TMEM158: variants seen among roughly 807,000 people sequenced by gnomAD.
The protein encoded by TMEM158 is 40 kDa BINP-binding protein.
A neutral mutation model predicts 12.0 loss-of-function variants in TMEM158; 7 were observed. The ratio of observed to expected loss-of-function variants is 0.59; its 90% CI spans 0.33 to 1.10. The LOEUF is 1.10. Among genes scored for constraint, TMEM158 ranks in the 50% least tolerant of loss-of-function variants. The pLI is 0.03. For synonymous variants in TMEM158, 209 were observed against 231.1 expected (o/e 0.90, Z 0.87); for missense variants, 405 against 454.7 (o/e 0.89, Z 0.99).
Position 45,224,873 on chromosome 3 carries a change from G to T in TMEM158, c.*252C>A. 1 of 498,218 alleles carries T rather than the reference G, an allele frequency of 2.0e-6. No individual in the cohort carries two copies. The highest frequency in any genetic ancestry group is 3.0e-6 in the Non-Finnish European group (1 of 336,764). The allele number at this position is 498,218 out of a possible 1,614,324, so 30.9% of individuals were successfully genotyped here. On this transcript the variant is annotated 3_prime_UTR_variant, in exon 1 of 1. Transcript: ENST00000503771. ...CAGGGGGATGCAATAGAGGGGAAAGGGCCCCATTTCCCTCCTCTCCGTCTT... is the reference window on the plus strand; with the variant it reads ...CAGGGGGATGCAATAGAGGGGAAAGTGCCCCATTTCCCTCCTCTCCGTCTT...
Position 45,225,188 on chromosome 3 carries a change from G to GGCT in TMEM158, c.837_839dup (p.Ala292dup). On this transcript the variant is annotated inframe_insertion, in exon 1 of 1. Transcript: ENST00000503771. The surrounding 1 kb of genome is among the most constrained non-coding windows in gnomAD (Gnocchi z 5.7). ...CGGCGGCAGCGGCGGCGGCGGCGGC[G>GGCT]GCTGCGGTGGTCCCTGCGGGCACTG... The GGCT allele has an allele frequency of 7.9e-7, 1 of 1,268,168 alleles. No individual in the cohort carries two copies. Among genetic ancestry groups the GGCT allele is most frequent in the Non-Finnish European group, 9.9e-7 (1 of 1,010,572 alleles). The allele number at this position is 1,268,168 out of a possible 1,614,324, so 78.6% of individuals were successfully genotyped here.
rs1700137460 is a variant in TMEM158, at chr3:45,224,874, G to T, written c.*251C>A. ...AGGGGGATGCAATAGAGGGGAAAGGGCCCCATTTCCCTCCTCTCCGTCTTC... is the reference window on the plus strand; with the variant it reads ...AGGGGGATGCAATAGAGGGGAAAGGTCCCCATTTCCCTCCTCTCCGTCTTC... On this transcript the variant is annotated 3_prime_UTR_variant, in exon 1 of 1. Transcript: ENST00000503771. 2.0e-6 allele frequency: 1 copy of T among 504,344 alleles called. No homozygotes were observed. The highest frequency in any genetic ancestry group is 2.9e-6 in the Non-Finnish European group (1 of 342,096). 31.2% of individuals were successfully genotyped at this position (504,344 alleles called of 1,614,324 possible). A position where few individuals can be genotyped will look rare whatever the true frequency, so the allele number is the denominator to read the frequency against.
In TMEM158 at chr3:45,225,371, G is replaced by C; in HGVS notation, c.657C>G (p.Pro219=). ...GEPGWRLNRK[P]IESTLVACFM... is the part of the protein sequence containing the mutation. ...AGCAGGCCACCAGCGTGGACTCAAT[G>C]GGCTTACGGTTCAGCCGCCAGCCCG... The change falls in exon 1 of 1, where the codon CCC becomes CCG. Residue 219 remains proline (P), a synonymous_variant. Transcript: ENST00000503771. The surrounding 1 kb of genome is among the most constrained non-coding windows in gnomAD (Gnocchi z 5.7). 6.6e-7 allele frequency: 1 copy of C among 1,521,798 alleles called. No homozygotes were observed. 94.3% of individuals were successfully genotyped at this position (1,521,798 alleles called of 1,614,324 possible).
chr3:45,226,115 G>C lies in TMEM158; in HGVS notation c.-88C>G, dbSNP rs1287021850. The C allele has an allele frequency of 3.1e-6, 3 of 980,592 alleles. No homozygotes were observed. The highest frequency in any genetic ancestry group is 1.2e-4 in the East Asian group (1 of 8,682). 60.7% of individuals were successfully genotyped at this position (980,592 alleles called of 1,614,324 possible). A position where few individuals can be genotyped will look rare whatever the true frequency, so the allele number is the denominator to read the frequency against. ...GCCGGCGAGCTCACGGTGGGACCGC[G>C]GGAGCCGGCGGCCGGGCGCAGTGCG... On this transcript the variant is annotated 5_prime_UTR_variant, in exon 1 of 1. Transcript: ENST00000503771.
In TMEM158 at chr3:45,224,833, G is replaced by A. The variant is rs1042385408; in HGVS notation, c.*292C>T. ...CCATGAATCTAGGGCACGTGGGTGC[G>A]GGGAAGGAGTCGGGCAGGGGGATGC... On this transcript the variant is annotated 3_prime_UTR_variant, in exon 1 of 1. Transcript: ENST00000503771. The A allele has an allele frequency of 9.3e-6, 3 of 322,230 alleles. No individual in the cohort carries two copies. Among genetic ancestry groups the A allele is most frequent in the Non-Finnish European group, 1.6e-5 (3 of 185,848 alleles). The allele number at this position is 322,230 out of a possible 1,614,324, so 20.0% of individuals were successfully genotyped here. A position where few individuals can be genotyped will look rare whatever the true frequency, so the allele number is the denominator to read the frequency against.
In TMEM158 at chr3:45,225,793, G is replaced by T. The variant is rs1417845767; in HGVS notation, c.235C>A (p.Gln79Lys). Residue 79 changes from glutamine to lysine, a missense_variant, in exon 1 of 1, where the codon CAG becomes AAG. Transcript: ENST00000503771. This position sits in a 1 kb window ranked among gnomAD's most constrained non-coding sequence, Gnocchi z 5.7. ...AAAAPCNISV[Q>K]RQMLSSLLVR... Reference sequence around the variant, plus strand: ...AGCAGCGAGCTCAGCATCTGCCGCTGCACGCTGATGTTGCACGGCGCCGCC... The same window carrying T: ...AGCAGCGAGCTCAGCATCTGCCGCTTCACGCTGATGTTGCACGGCGCCGCC... 7.1e-7 allele frequency: 1 copy of T among 1,401,220 alleles called. No homozygotes were observed. The highest frequency in any genetic ancestry group is 2.6e-5 in the Admixed American group (1 of 38,630). The allele number at this position is 1,401,220 out of a possible 1,614,324, so 86.8% of individuals were successfully genotyped here. A position where few individuals can be genotyped will look rare whatever the true frequency, so the allele number is the denominator to read the frequency against.
chr3:45,225,170 A>AGCGGCG lies in TMEM158; in HGVS notation c.852_857dup (p.Ala291_Ala292dup), dbSNP rs898811347. 3.0e-5 allele frequency: 38 copies of AGCGGCG among 1,263,250 alleles called. No homozygotes were observed. The highest frequency in any genetic ancestry group is 4.3e-5 in the Admixed American group (1 of 23,480). The allele number at this position is 1,263,250 out of a possible 1,614,324, so 78.3% of individuals were successfully genotyped here. ...AAGTGACGGCCGCGGCGGCGGCGGC[A>AGCGGCG]GCGGCGGCGGCGGCGGCGGCTGCGG... On this transcript the variant is annotated inframe_insertion, in exon 1 of 1. Coordinates refer to ENST00000503771, the MANE Select transcript of TMEM158 (RefSeq NM_015444.3). The surrounding 1 kb of genome is among the most constrained non-coding windows in gnomAD (Gnocchi z 5.7).
At position 45,224,857 on chromosome 3, in the gene TMEM158, G is replaced by C; in HGVS notation, c.*268C>G. 1 of 403,312 alleles carries C rather than the reference G, an allele frequency of 2.5e-6. No individual in the cohort carries two copies. Among genetic ancestry groups the C allele is most frequent in the Non-Finnish European group, 3.9e-6 (1 of 253,630 alleles). The allele number at this position is 403,312 out of a possible 1,614,324, so 25.0% of individuals were successfully genotyped here. A position where few individuals can be genotyped will look rare whatever the true frequency, so the allele number is the denominator to read the frequency against. On this transcript the variant is annotated 3_prime_UTR_variant, in exon 1 of 1. Coordinates refer to ENST00000503771, the MANE Select transcript of TMEM158 (RefSeq NM_015444.3). ...CGGGGAAGGAGTCGGGCAGGGGGAT[G>C]CAATAGAGGGGAAAGGGCCCCATTT...
chr3:45,225,520 C>T lies in TMEM158; in HGVS notation c.508G>A (p.Ala170Thr). 1 of 1,092,086 alleles carries T rather than the reference C, an allele frequency of 9.2e-7. No individual in the cohort carries two copies. The allele number at this position is 1,092,086 out of a possible 1,614,324, so 67.6% of individuals were successfully genotyped here. A position where few individuals can be genotyped will look rare whatever the true frequency, so the allele number is the denominator to read the frequency against. Reference protein sequence around the residue: ...AAAPSAAAATAGAPTALPAYP... With the variant: ...AAAPSAAAATTGAPTALPAYP... ...GCTGGCAGCGCGGTGGGCGCCCCGGCGGTGGCGGCGGCGGCGCTGGGGGCG... is the reference window on the plus strand; with the variant it reads ...GCTGGCAGCGCGGTGGGCGCCCCGGTGGTGGCGGCGGCGGCGCTGGGGGCG... The change falls in exon 1 of 1, where the codon GCC (alanine) becomes ACC (threonine). Residue 170 changes from alanine to threonine, a missense_variant. By Grantham distance (58) the Ala-to-Thr change is moderately conservative. Transcript: ENST00000503771. This position sits in a 1 kb window ranked among gnomAD's most constrained non-coding sequence, Gnocchi z 5.7.
At position 45,225,429 on chromosome 3, in the gene TMEM158, A is replaced by C; in HGVS notation, c.599T>G (p.Leu200Arg). 7.0e-7 allele frequency: 1 copy of C among 1,424,290 alleles called. No homozygotes were observed. The highest frequency in any genetic ancestry group is 9.3e-7 in the Non-Finnish European group (1 of 1,075,200). 88.2% of individuals were successfully genotyped at this position (1,424,290 alleles called of 1,614,324 possible). ...LQGEPLHFCC[L>R]DFSLEELQGE... ...CTGCAGCTCCTCCAGGCTGAAGTCT[A>C]GGCAGCAGAAATGCAGCGGCTCGCC... Residue 200 changes from leucine (L) to arginine (R), a missense_variant, in exon 1 of 1, where the codon CTA becomes CGA. Coordinates refer to ENST00000503771, the MANE Select transcript of TMEM158 (RefSeq NM_015444.3). This position sits in a 1 kb window ranked among gnomAD's most constrained non-coding sequence, Gnocchi z 5.7.
chr3:45,225,506 G>T lies in TMEM158; in HGVS notation c.522C>A (p.Thr174=). 1 of 1,177,428 alleles carries T rather than the reference G, an allele frequency of 8.5e-7. No individual in the cohort carries two copies. The highest frequency in any genetic ancestry group is 3.8e-5 in the East Asian group (1 of 26,446). The allele number at this position is 1,177,428 out of a possible 1,614,324, so 72.9% of individuals were successfully genotyped here. Residue 174 remains threonine (T), a synonymous_variant, in exon 1 of 1, where the codon ACC becomes ACA. Transcript: ENST00000503771. The surrounding 1 kb of genome is among the most constrained non-coding windows in gnomAD (Gnocchi z 5.7). ...SAAAATAGAP[T]ALPAYPAAEP... Reference sequence around the variant, plus strand: ...CGGCCGCGGGGTAGGCTGGCAGCGCGGTGGGCGCCCCGGCGGTGGCGGCGG... The same window carrying T: ...CGGCCGCGGGGTAGGCTGGCAGCGCTGTGGGCGCCCCGGCGGTGGCGGCGG...
At position 45,225,894 on chromosome 3, in the gene TMEM158, G is replaced by A; in HGVS notation, c.134C>T (p.Pro45Leu). Residue 45 changes from proline to leucine, a missense_variant, in exon 1 of 1, where the codon CCC becomes CTC. Pro to Leu is a moderately conservative substitution (Grantham distance 98). Transcript: ENST00000503771. The surrounding 1 kb of genome is among the most constrained non-coding windows in gnomAD (Gnocchi z 5.7). Reference protein sequence around the residue: ...ASVNASSADEPIAPRLLASAA... With the variant: ...ASVNASSADELIAPRLLASAA... ...CGAGGCCAGCAGCCGCGGGGCGATG[G>A]GCTCGTCCGCGGAGGACGCGTTGAC... is the stretch of plus-strand genomic sequence containing the variant. 8.3e-7 allele frequency: 1 copy of A among 1,203,802 alleles called. No individual in the cohort carries two copies. The highest frequency in any genetic ancestry group is 1.0e-6 in the Non-Finnish European group (1 of 973,480). 74.6% of individuals were successfully genotyped at this position (1,203,802 alleles called of 1,614,324 possible). A position where few individuals can be genotyped will look rare whatever the true frequency, so the allele number is the denominator to read the frequency against.
chr3:45,225,451 C>T lies in TMEM158; in HGVS notation c.577G>A (p.Glu193Lys). The change falls in exon 1 of 1, where the codon GAG (glutamate) becomes AAG (lysine). Residue 193 changes from glutamate to lysine, a missense_variant. Glu to Lys is a moderately conservative substitution (Grantham distance 56). Transcript: ENST00000503771. The surrounding 1 kb of genome is among the most constrained non-coding windows in gnomAD (Gnocchi z 5.7). ...EPPGPLWLQG[E>K]PLHFCCLDFS... ...TCTAGGCAGCAGAAATGCAGCGGCT[C>T]GCCCTGCAGCCACAGCGGCCCGGGC... The T allele has an allele frequency of 1.5e-6, 2 of 1,370,494 alleles. No homozygotes were observed. The highest frequency in any genetic ancestry group is 1.7e-5 in the South Asian group (1 of 57,328). 84.9% of individuals were successfully genotyped at this position (1,370,494 alleles called of 1,614,324 possible). A position where few individuals can be genotyped will look rare whatever the true frequency, so the allele number is the denominator to read the frequency against.
At position 45,225,227 on chromosome 3, in the gene TMEM158, TGCGGTGGTGCTG is replaced by T. The variant is rs1216632265; in HGVS notation, c.789_800del (p.Ser264_Ala267del). On this transcript the variant is annotated inframe_deletion, in exon 1 of 1. Coordinates refer to ENST00000503771, the MANE Select transcript of TMEM158 (RefSeq NM_015444.3). The surrounding 1 kb of genome is among the most constrained non-coding windows in gnomAD (Gnocchi z 5.7). ...CTGCGGGCACTGCGGCGGGGGTGGC[TGCGGTGGTGCTG>T]GCGGTGGTCCGGCGCTGTTCCATGC... The T allele has an allele frequency of 5.3e-6, 7 of 1,309,844 alleles. No homozygotes were observed. The highest frequency in any genetic ancestry group is 5.3e-5 in the South Asian group (2 of 37,442). 81.1% of individuals were successfully genotyped at this position (1,309,844 alleles called of 1,614,324 possible).
chr3:45,225,734 G>A lies in TMEM158; in HGVS notation c.294C>T (p.Cys98=). ...VRWGRPRGFQ[C]DLLLFSTNAH... ...CGTTGGTGGAGAAGAGCAGTAGGTC[G>A]CACTGGAAGCCCCGCGGGCGGCCCC... The change falls in exon 1 of 1, where the codon TGC becomes TGT. Residue 98 remains cysteine, a synonymous_variant. Transcript: ENST00000503771. The surrounding 1 kb of genome is among the most constrained non-coding windows in gnomAD (Gnocchi z 5.7). 6.9e-7 allele frequency: 1 copy of A among 1,454,094 alleles called. No homozygotes were observed. Among genetic ancestry groups the A allele is most frequent in the Non-Finnish European group, 9.1e-7 (1 of 1,099,672 alleles). 90.1% of individuals were successfully genotyped at this position (1,454,094 alleles called of 1,614,324 possible).
Position 45,226,232 on chromosome 3 carries a change from G to T in TMEM158, c.-205C>A. 1.7e-6 allele frequency: 1 copy of T among 582,048 alleles called. No homozygotes were observed. The highest frequency in any genetic ancestry group is 2.2e-6 in the Non-Finnish European group (1 of 462,458). 36.1% of individuals were successfully genotyped at this position (582,048 alleles called of 1,614,324 possible). A position where few individuals can be genotyped will look rare whatever the true frequency, so the allele number is the denominator to read the frequency against. ...CGGGGATCCCTCCAGACCCGGTTGC[G>T]TTTGGGGTTCCCCGCCGCCCCCGGC... is the stretch of plus-strand genomic sequence containing the variant. On this transcript the variant is annotated 5_prime_UTR_variant, in exon 1 of 1. Coordinates refer to ENST00000503771, the MANE Select transcript of TMEM158 (RefSeq NM_015444.3).
In TMEM158 at chr3:45,225,815, C is replaced by CGCT. The variant is rs1028984962; in HGVS notation, c.212_213insAGC (p.Ala72dup). ...GCTGCACGCTGATGTTGCACGGCGC[C>CGCT]GCCGCCGCCGCCGCCTCCTCCGGGC... On this transcript the variant is annotated inframe_insertion, in exon 1 of 1. Coordinates refer to ENST00000503771, the MANE Select transcript of TMEM158 (RefSeq NM_015444.3). This position sits in a 1 kb window ranked among gnomAD's most constrained non-coding sequence, Gnocchi z 5.7. The CGCT allele has an allele frequency of 3.8e-6, 5 of 1,324,614 alleles. No homozygotes were observed. Among genetic ancestry groups the CGCT allele is most frequent in the Middle Eastern group, 2.8e-4 (1 of 3,596 alleles). The allele number at this position is 1,324,614 out of a possible 1,614,324, so 82.1% of individuals were successfully genotyped here. A position where few individuals can be genotyped will look rare whatever the true frequency, so the allele number is the denominator to read the frequency against.
Position 45,226,143 on chromosome 3 carries a change from C to A in TMEM158, c.-116G>T. On this transcript the variant is annotated 5_prime_UTR_variant, in exon 1 of 1. Transcript: ENST00000503771. ...AGCCGGCGGCCGGGCGCAGTGCGGG[C>A]GCGCCGGGCGCCTGCCAAGCCCGCA... 1.0e-6 allele frequency: 1 copy of A among 979,538 alleles called. No homozygotes were observed. The highest frequency in any genetic ancestry group is 1.2e-6 in the Non-Finnish European group (1 of 827,152). The allele number at this position is 979,538 out of a possible 1,614,324, so 60.7% of individuals were successfully genotyped here.
In TMEM158 at chr3:45,225,967, C is replaced by T. The variant is rs894114728; in HGVS notation, c.61G>A (p.Gly21Arg). 5.4e-6 allele frequency: 6 copies of T among 1,117,270 alleles called. No individual in the cohort carries two copies. The highest frequency in any genetic ancestry group is 4.3e-5 in the South Asian group (1 of 23,280). 69.2% of individuals were successfully genotyped at this position (1,117,270 alleles called of 1,614,324 possible). A position where few individuals can be genotyped will look rare whatever the true frequency, so the allele number is the denominator to read the frequency against. ...AGGAGGCCGGGCGCGTCCGCGGCCC[C>T]GCCGCGGACGGGCGGCAGCGGGCAG... ...AACPLPPVRG[G>R]AADAPGLLGV... is the part of the protein sequence containing the mutation. Residue 21 changes from glycine to arginine, a missense_variant, in exon 1 of 1, where the codon GGG becomes AGG. Gly to Arg is a moderately radical substitution (Grantham distance 125, BLOSUM62 -2). Coordinates refer to ENST00000503771, the MANE Select transcript of TMEM158 (RefSeq NM_015444.3). The surrounding 1 kb of genome is among the most constrained non-coding windows in gnomAD (Gnocchi z 5.7).
Sources: gnomAD v4.1 joint callset for allele counts on GRCh38, gnomAD v4.1.1 for gene constraint, Gnocchi (gnomAD v3.1) non-coding constraint, MANE v1.5 for transcripts, NCBI Gene and HGNC (gene_info 2026-07-23, HGNC 2026-07-21) for gene names.